The following LRRTM4 variants were observed in gnomAD, a reference collection of about 807,000 sequenced individuals.
The protein encoded by LRRTM4 is leucine-rich repeat transmembrane neuronal protein 4.
In LRRTM4, 25 loss-of-function variants were observed where a neutral mutation model predicts 47.6. That is an observed-to-expected ratio of 0.53 (90% CI 0.38 to 0.73). The LOEUF (loss-of-function observed/expected upper bound fraction) is 0.73. Ranked by LOEUF, LRRTM4 falls within the 30% of genes least tolerant of loss-of-function variation. The pLI is 0.00. For missense variants in LRRTM4, 638 were observed against 713.4 expected (o/e 0.89, Z 1.20); for synonymous variants, 311 against 269.5 (o/e 1.15, Z -1.51).
At chr2:76,801,685 G>A (rs552921477) in intron 3 of LRRTM4, among the ~76,000 whole-genome samples, 1 of 151,806 alleles carries the variant, frequency 6.6e-6, no homozygotes, top group Admixed American at 6.6e-5. Context: ...GAAAAGTACA[G>A]GTTAACATCC....
intron 3 of LRRTM4, among the ~76,000 whole-genome samples, chr2:77,162,393 G>C (rs892755827): frequency 6.6e-6 from 1 of 152,172 alleles, no homozygotes; most frequent in African/African-American, 2.4e-5. Context: ...CCACCTCTGG[G>C]GGCAGGGCAT....
intron 3 of LRRTM4, among the ~76,000 whole-genome samples, chr2:77,498,029 AC>A (rs1355065721): frequency 6.6e-6 from 1 of 151,890 alleles, no homozygotes; most frequent in Non-Finnish European, 1.5e-5. Flanking sequence ...TGATCCAAGA[AC>A]TAAACATGGC....
intron 3 of LRRTM4, among the ~76,000 whole-genome samples, chr2:77,219,104 T>C (rs186529965): frequency 6.6e-6 from 1 of 152,294 alleles, no homozygotes; most frequent in East Asian, 1.9e-4. Context: ...GATTTTTCCC[T>C]ACTGAAATGT....
intron 3 of LRRTM4, among the ~76,000 whole-genome samples, chr2:76,776,639 T>C (rs1674010476): frequency 1.3e-5 from 2 of 151,444 alleles, no homozygotes; most frequent in African/African-American, 4.9e-5. Context: ...TTTGAGTTCA[T>C]TGTAGATTCT....
rs1672757373 is a variant in LRRTM4 at position 77,374,413 on chromosome 2, G to A, written c.1551+143905C>T. On this transcript the variant is annotated intron_variant, in intron 3 of 3. Coordinates refer to ENST00000409884, the MANE Select transcript of LRRTM4 (RefSeq NM_001134745.3). The stretch of plus-strand genomic sequence containing the variant: ...TCTAACACACAGTACCCATTTCCCT[G>A]TGGTTTTCACTGTAGACAGATATTG... 4.0e-5 allele frequency among the ~76,000 whole-genome samples: 6 copies of A among 151,732 alleles called. 1 individual carries two copies. The South Asian group carries it at 1.2e-3, about 31-fold the overall frequency.
chr2:77,034,915 A>C (rs1381734093), intron 3 of LRRTM4, among the ~76,000 whole-genome samples: 1 of 151,944 alleles, frequency 6.6e-6, no homozygotes, highest in Non-Finnish European at 1.5e-5. Flanking sequence ...CCAGTGTTAC[A>C]GTTCATATAT....
chr2:76,886,231 C>T, intron 3 of LRRTM4, among the ~76,000 whole-genome samples: 1 of 152,140 alleles, frequency 6.6e-6, no homozygotes, highest in Non-Finnish European at 1.5e-5. Flanking sequence ...CAAATGAATG[C>T]AGTGTTTTCT....
chr2:77,237,647 G>A (rs781143351), intron 3 of LRRTM4, among the ~76,000 whole-genome samples: 6 of 151,986 alleles, frequency 3.9e-5, no homozygotes, highest in Non-Finnish European at 8.8e-5. Flanking sequence ...GTTCATCTCC[G>A]TGATCCTCCA....
intron 3 of LRRTM4, among the ~76,000 whole-genome samples, chr2:76,812,419 T>C (rs1427629588): frequency 1.3e-5 from 2 of 152,166 alleles, no homozygotes; most frequent in African/African-American, 2.4e-5. Flanking sequence ...ATAGGTGTAA[T>C]GGCCCTGGCA....
chr2:77,379,300 C>G (rs1672960332), intron 3 of LRRTM4, among the ~76,000 whole-genome samples: 1 of 151,976 alleles, frequency 6.6e-6, no homozygotes, highest in Non-Finnish European at 1.5e-5. Flanking sequence ...CCCCCGCTAT[C>G]TTTTCACTGG....
intron 3 of LRRTM4, among the ~76,000 whole-genome samples, chr2:76,810,867 CACA>C: frequency 6.6e-6 from 1 of 152,238 alleles, no homozygotes. Flanking sequence ...CTAGTTATTA[CACA>C]ACATTACACA....
At chr2:77,182,588 G>A (rs1673380253) in intron 3 of LRRTM4, among the ~76,000 whole-genome samples, 1 of 152,078 alleles carries the variant, frequency 6.6e-6, no homozygotes, top group South Asian at 2.1e-4. Flanking sequence ...ATTTTGGGCT[G>A]AGACGATGGG....
At position 77,101,811 on chromosome 2, in the gene LRRTM4, C is replaced by A. The variant is rs1469594604; in HGVS notation, c.1552-352895G>T. Reference sequence around the variant, plus strand: ...GTTCATCACCACTGTTTTTAATAATCTTGTTTGTACATTAATATTTTCAGT... The same window carrying A: ...GTTCATCACCACTGTTTTTAATAATATTGTTTGTACATTAATATTTTCAGT... On this transcript the variant is annotated intron_variant, in intron 3 of 3. Coordinates refer to ENST00000409884, the MANE Select transcript of LRRTM4 (RefSeq NM_001134745.3). Among the ~76,000 whole-genome samples, 4 of 152,170 alleles carry A rather than the reference C, an allele frequency of 2.6e-5. No individual in the cohort carries two copies. The East Asian group carries it at 5.8e-4, about 22-fold the overall frequency.
chr2:77,017,759 G>C (rs1678119315), intron 3 of LRRTM4, among the ~76,000 whole-genome samples: 1 of 151,630 alleles, frequency 6.6e-6, no homozygotes, highest in African/African-American at 2.4e-5. Context: ...ACAATTTTAG[G>C]AATGACTATG....
intron 3 of LRRTM4, among the ~76,000 whole-genome samples, chr2:76,889,944 C>G (rs1398506641): frequency 6.6e-6 from 1 of 151,872 alleles, no homozygotes; most frequent in Non-Finnish European, 1.5e-5. Context: ...TCTCAGGACA[C>G]TCTGTTCTGT....
At chr2:76,824,863 A>C (rs918891287) in intron 3 of LRRTM4, among the ~76,000 whole-genome samples, 1 of 151,656 alleles carries the variant, frequency 6.6e-6, no homozygotes, top group Non-Finnish European at 1.5e-5. Flanking sequence ...AACTCTTTTC[A>C]ATTAGAGAAG....
intron 3 of LRRTM4, among the ~76,000 whole-genome samples, chr2:77,213,321 A>G: frequency 6.6e-6 from 1 of 152,140 alleles, no homozygotes; most frequent in East Asian, 1.9e-4. Flanking sequence ...GGAGTTAGAT[A>G]AACTGGATCT....
chr2:77,353,684 A>ATTT, intron 3 of LRRTM4, among the ~76,000 whole-genome samples: 1 of 147,494 alleles, frequency 6.8e-6, no homozygotes, highest in South Asian at 2.2e-4. Flanking sequence ...ATGCTGCTTA[A>ATTT]TTTATTATTA....
chr2:77,291,973 T>G (rs1403410182), intron 3 of LRRTM4, among the ~76,000 whole-genome samples: 2 of 151,660 alleles, frequency 1.3e-5, no homozygotes, highest in African/African-American at 4.8e-5. Flanking sequence ...ATCCAGAATC[T>G]ACAATGAACT....
Sources: allele counts gnomAD v4.1 joint callset (sites outside exome capture counted in the v4.1 genomes callset), GRCh38; gene constraint gnomAD v4.1.1; transcripts MANE v1.5; gene names NCBI Gene and HGNC (gene_info 2026-07-23, HGNC 2026-07-21).